Variants in NEO1 observed in about 807,000 individuals in gnomAD.
The protein encoded by NEO1 is neogenin.
In NEO1, 63 loss-of-function variants were observed where a neutral mutation model predicts 159.7. That is an observed-to-expected ratio of 0.39 (90% confidence interval 0.32 to 0.49). NEO1 has a LOEUF of 0.49. NEO1 is among the 20% of genes least tolerant of loss of function. NEO1 has a pLI of 0.85. For missense variants in NEO1, 1,615 were observed against 1,831.0 expected (o/e 0.88, Z 2.15); for synonymous variants, 633 against 662.0 (o/e 0.96, Z 0.67).
At chr15:73,064,648 T>C (rs2068124656) in intron 1 of NEO1, among the ~76,000 whole-genome samples, 1 of 152,042 alleles carries the variant, frequency 6.6e-6, no homozygotes, top group Admixed American at 6.6e-5. Context: ...AATTTTTTTT[T>C]TAGAAACAAG....
chr15:73,258,953 G>T (rs2040490943), intron 14 of NEO1, 77 bp downstream of exon 14: 1 of 1,241,862 alleles, frequency 8.1e-7, no homozygotes. Flanking sequence ...GAAAGCCACA[G>T]ACTTGGGGTG....
chr15:73,254,190 TA>T (rs572266961), intron 12 of NEO1, among the ~76,000 whole-genome samples: 8 of 151,320 alleles, frequency 5.3e-5, no homozygotes, highest in Non-Finnish European at 8.8e-5. Flanking sequence ...ACCCCGACTC[TA>T]AAAAAACAAG....
chr15:73,209,836 CA>C (rs1281054216), intron 7 of NEO1, among the ~76,000 whole-genome samples: 6 of 151,800 alleles, frequency 4.0e-5, no homozygotes, highest in Non-Finnish European at 7.4e-5. Context: ...TACTAAAAAA[CA>C]AACAAAAAAA....
At chr15:73,187,880 C>G (rs749665814) in intron 7 of NEO1, among the ~76,000 whole-genome samples, 2 of 152,128 alleles carry the variant, frequency 1.3e-5, no homozygotes, top group Non-Finnish European at 2.9e-5. Context: ...GATTTTGGGA[C>G]TGCTATATAT....
chr15:73,199,620 T>A (rs1206160008), intron 7 of NEO1, among the ~76,000 whole-genome samples: 2 of 152,220 alleles, frequency 1.3e-5, no homozygotes, highest in Non-Finnish European at 2.9e-5. Flanking sequence ...GGTTTTGGTA[T>A]TAGGATAATG....
chr15:73,168,351 T>C (rs1366293527), intron 5 of NEO1, among the ~76,000 whole-genome samples: 1 of 108,422 alleles, frequency 9.2e-6, no homozygotes, highest in Admixed American at 1.2e-4. Flanking sequence ...GTCCAGCTAA[T>C]TTTTGTATTT....
At chr15:73,221,443 A>T (rs945593725) in intron 7 of NEO1, among the ~76,000 whole-genome samples, 5 of 152,220 alleles carry the variant, frequency 3.3e-5, no homozygotes, top group African/African-American at 1.2e-4. Context: ...TGGGAGAACC[A>T]CTGCTCTCTG....
At chr15:73,056,905 A>G (rs2067732090) in intron 1 of NEO1, among the ~76,000 whole-genome samples, 1 of 152,214 alleles carries the variant, frequency 6.6e-6, no homozygotes, top group Admixed American at 6.5e-5. Context: ...GAGGCACAAA[A>G]GAGATCATAG....
At chr15:73,251,186 GT>G (rs1289823584) in intron 11 of NEO1, among the ~76,000 whole-genome samples, 1 of 152,104 alleles carries the variant, frequency 6.6e-6, no homozygotes, top group Non-Finnish European at 1.5e-5. Context: ...TCTTGCCACT[GT>G]TTTCCATGGG....
rs537800261 is a variant in NEO1 at position 73,163,138 on chromosome 15, T to A, written c.1016-13265T>A. ...TTTATTGTTTTTGTAGTTATGAATT[T>A]GGTTTTTAGATTTACATTTTCTGAT... On this transcript the variant is annotated intron_variant, in intron 5 of 28. Transcript: ENST00000261908. Among the ~76,000 whole-genome samples, 130 of 152,336 alleles carry A rather than the reference T, an allele frequency of 8.5e-4. 1 individual carries two copies. The South Asian group carries it at 0.026, about 31-fold the overall frequency.
rs114740367 is a variant in NEO1, at chr15:73,196,274, G to A, written c.1291+17847G>A. Among the ~76,000 whole-genome samples, 1,174 of 152,258 alleles carry A rather than the reference G, an allele frequency of 7.7e-3. 16 individuals are homozygous for A. The highest frequency in any genetic ancestry group is 0.027 in the African/African-American group (1,116 of 41,548). On this transcript the variant is annotated intron_variant, in intron 7 of 28. Transcript: ENST00000261908. Reference sequence around the variant, plus strand: ...TAAAATTAAAACATCTCTCTTGCACGCAAGAATGGGAGGAGTATTTTGTGT... The same window carrying A: ...TAAAATTAAAACATCTCTCTTGCACACAAGAATGGGAGGAGTATTTTGTGT...
At chr15:73,279,210 C>T (rs1420446092) in intron 22 of NEO1, among the ~76,000 whole-genome samples, 1 of 152,054 alleles carries the variant, frequency 6.6e-6, no homozygotes, top group East Asian at 1.9e-4. Context: ...TTATGAGTTT[C>T]TTCTTCTCCA....
intron 1 of NEO1, among the ~76,000 whole-genome samples, chr15:73,092,956 A>C (rs897116965): frequency 4.6e-5 from 7 of 152,310 alleles, no homozygotes; most frequent in African/African-American, 1.7e-4. Context: ...CTGTTCCAGA[A>C]TCCCATCCAG....
chr15:73,300,986 G>A lies in NEO1; in HGVS notation c.4166-335G>A, dbSNP rs993017179. The stretch of plus-strand genomic sequence containing the variant: ...CCACTATTGCCTTTGTATCCTCAGT[G>A]CAAAGGCAAACACAGTGGAAAGGCA... On this transcript the variant is annotated intron_variant, in intron 27 of 28. Transcript: ENST00000261908. Among the ~76,000 whole-genome samples the A allele has an allele frequency of 3.9e-5, 6 of 152,158 alleles. No homozygotes were observed. In the East Asian group the frequency reaches 1.2e-3, roughly 29 times the overall value.
chr15:73,165,930 G>A (rs2034542072), intron 5 of NEO1, among the ~76,000 whole-genome samples: 1 of 152,180 alleles, frequency 6.6e-6, no homozygotes, highest in African/African-American at 2.4e-5. Context: ...CATGTGTCAG[G>A]AGACGGGATT....
At chr15:73,167,044 A>G (rs531789461) in intron 5 of NEO1, among the ~76,000 whole-genome samples, 5 of 148,434 alleles carry the variant, frequency 3.4e-5, no homozygotes, top group African/African-American at 9.9e-5. Flanking sequence ...CAAACACTGC[A>G]TGTTCTCACT....
At chr15:73,134,128 T>G (rs1302063981) in intron 4 of NEO1, among the ~76,000 whole-genome samples, 1 of 152,218 alleles carries the variant, frequency 6.6e-6, no homozygotes, top group Admixed American at 6.5e-5. Flanking sequence ...AGGATTTTAA[T>G]TTTTGTAAAT....
chr15:73,083,146 A>G (rs901528676), intron 1 of NEO1, among the ~76,000 whole-genome samples: 3 of 152,162 alleles, frequency 2.0e-5, no homozygotes, highest in African/African-American at 7.2e-5. Context: ...AAAGCTGTTG[A>G]ATTGTGTAGT....
intron 7 of NEO1, among the ~76,000 whole-genome samples, chr15:73,233,898 T>G (rs531391906): frequency 6.6e-6 from 1 of 152,262 alleles, no homozygotes; most frequent in Admixed American, 6.5e-5. Context: ...CAGCTTGGGG[T>G]TTAGGTAGGG....
Sources: allele counts gnomAD v4.1 joint callset (sites outside exome capture counted in the v4.1 genomes callset), GRCh38; gene constraint gnomAD v4.1.1; transcripts MANE v1.5; gene names NCBI Gene and HGNC (gene_info 2026-07-23, HGNC 2026-07-21).